The following RPA3 variants were observed in gnomAD, a reference collection of about 807,000 sequenced individuals.
RPA3 encodes replication protein A 14 kDa subunit.
In RPA3, 24 loss-of-function variants were observed where a neutral mutation model predicts 13.7. The observed-to-expected ratio is 1.75, with a 90% confidence interval of 1.27 to 2.46. The LOEUF (loss-of-function observed/expected upper bound fraction) is 2.46. RPA3 is among the 30% of genes most tolerant of loss of function. The pLI, the probability that RPA3 is intolerant of heterozygous loss-of-function variation, is 0.00. For synonymous variants in RPA3, 59 were observed against 51.2 expected, an observed-to-expected ratio of 1.15 and a Z score of -0.65; for missense variants, 183 against 151.0, an observed-to-expected ratio of 1.21 and a Z score of -1.11.
intron 2 of RPA3, among the ~76,000 whole-genome samples, chr7:7,713,947 GC>G (rs541618480): frequency 0.01 from 1,544 of 152,272 alleles, 22 homozygotes; most frequent in African/African-American, 0.032. Context: ...TGATCTTCCT[GC>G]CTTGGCCTCC....
intron 4 of RPA3, among the ~76,000 whole-genome samples, chr7:7,672,259 A>G (rs1405563316): frequency 1.3e-5 from 2 of 152,182 alleles, no homozygotes; most frequent in African/African-American, 2.4e-5. Flanking sequence ...TGTCCTTGCA[A>G]GTACCCTTCA....
At chr7:7,696,461 GC>G (rs1780320649) in intron 2 of RPA3, among the ~76,000 whole-genome samples, 1 of 152,062 alleles carries the variant, frequency 6.6e-6, no homozygotes, top group African/African-American at 2.4e-5. Flanking sequence ...ACTGGAACTG[GC>G]CACAAGACCT....
At chr7:7,680,231 T>G (rs1779875241) in intron 4 of RPA3, among the ~76,000 whole-genome samples, 1 of 152,116 alleles carries the variant, frequency 6.6e-6, no homozygotes, top group Admixed American at 6.6e-5. Context: ...TGGCGAGAGA[T>G]AGGGGTCTAG....
intron 2 of RPA3, among the ~76,000 whole-genome samples, chr7:7,709,864 T>A (rs1179748129): frequency 6.6e-6 from 1 of 152,172 alleles, no homozygotes; most frequent in Admixed American, 6.5e-5. Context: ...TTAAGAAATA[T>A]AATTTCTTGT....
At chr7:7,683,259 A>G (rs1779956965) in intron 4 of RPA3, among the ~76,000 whole-genome samples, 1 of 152,176 alleles carries the variant, frequency 6.6e-6, no homozygotes, top group Admixed American at 6.6e-5. Context: ...GGGGATACTT[A>G]GAAAAAAATA....
intron 5 of RPA3, chr7:7,640,102 G>C (rs1784929428): frequency 3.5e-6 from 2 of 571,982 alleles, no homozygotes; most frequent in East Asian, 3.0e-5. Context: ...CTGGAATTTA[G>C]AACTCAGCAT....
intron 2 of RPA3, among the ~76,000 whole-genome samples, chr7:7,697,339 C>T (rs1051393254): frequency 6.6e-6 from 1 of 152,156 alleles, no homozygotes; most frequent in Non-Finnish European, 1.5e-5. Flanking sequence ...TCTATTCTGC[C>T]AGACAAGTTG....
chr7:7,714,806 A>G (rs1780852545), intron 2 of RPA3, among the ~76,000 whole-genome samples: 2 of 151,376 alleles, frequency 1.3e-5, no homozygotes, highest in Non-Finnish European at 3.0e-5. Context: ...GCACTTGTGT[A>G]GAGTAATTTT....
At chr7:7,709,242 C>T (rs1279963390) in intron 2 of RPA3, among the ~76,000 whole-genome samples, 1 of 152,086 alleles carries the variant, frequency 6.6e-6, no homozygotes. Flanking sequence ...TAATGTTATG[C>T]ATGGGGTTAC....
Position 7,677,705 on chromosome 7 carries a change from G to A in RPA3, c.-758+8125C>T, listed in dbSNP as rs1287555439. On this transcript the variant is annotated intron_variant, in intron 4 of 7. Transcript: ENST00000223129. ...TTTTTTTTTTTTGAGACGGAGTCTC[G>A]CTCTGTCGCCCAGGCTGGAGTGCAG... Among the ~76,000 whole-genome samples the A allele has an allele frequency of 1.2e-4, 14 of 113,244 alleles. 1 individual carries two copies. Among genetic ancestry groups the A allele is most frequent in the African/African-American group, 2.9e-4 (8 of 27,796 alleles). The allele number at this position is 113,244 out of a possible 152,430, so 74.3% of individuals were successfully genotyped here.
rs114687133 is a variant in RPA3 at position 7,676,856 on chromosome 7, A to G, written c.-758+8974T>C. Among the ~76,000 whole-genome samples, 794 of 152,244 alleles carry G rather than the reference A, an allele frequency of 5.2e-3. 8 individuals are homozygous for G. The highest frequency in any genetic ancestry group is 0.018 in the African/African-American group (750 of 41,562). ...TGACAGATTATTAGGAATATAGTTA[A>G]TTGTCTTTAAAGTTATAGTTAATTA... On this transcript the variant is annotated intron_variant, in intron 4 of 7. Transcript: ENST00000223129.
At chr7:7,701,706 T>G (rs1780468074) in intron 2 of RPA3, among the ~76,000 whole-genome samples, 1 of 152,198 alleles carries the variant, frequency 6.6e-6, no homozygotes, top group African/African-American at 2.4e-5. Flanking sequence ...GGGTATTTAC[T>G]TATGTTTGCC....
intron 4 of RPA3, among the ~76,000 whole-genome samples, chr7:7,646,082 G>A (rs1274010562): frequency 2.0e-5 from 3 of 152,138 alleles, no homozygotes; most frequent in Non-Finnish European, 2.9e-5. Context: ...GTCTAGGGGC[G>A]TTACAGTGCT....
chr7:7,684,022 G>T (rs748867065), intron 4 of RPA3, among the ~76,000 whole-genome samples: 1 of 152,106 alleles, frequency 6.6e-6, no homozygotes, highest in Non-Finnish European at 1.5e-5. Context: ...GACGCTCAAC[G>T]CTCTGATATA....
intron 4 of RPA3, among the ~76,000 whole-genome samples, chr7:7,684,690 T>G (rs1779997475): frequency 6.6e-6 from 1 of 152,252 alleles, no homozygotes; most frequent in South Asian, 2.1e-4. Context: ...CCAACTGATC[T>G]ATGACTCTTT....
intron 4 of RPA3, among the ~76,000 whole-genome samples, chr7:7,657,742 G>T (rs150044097): frequency 0.017 from 2,610 of 152,288 alleles, 74 homozygotes; most frequent in African/African-American, 0.06. Flanking sequence ...AAGTCAGGTA[G>T]TGTGATGCCT....
At chr7:7,679,734 A>C (rs1043451937) in intron 4 of RPA3, among the ~76,000 whole-genome samples, 2 of 145,842 alleles carry the variant, frequency 1.4e-5, no homozygotes, top group Non-Finnish European at 3.0e-5. Context: ...ATATATATAC[A>C]CACACACATA....
chr7:7,646,061 C>A (rs558052851), intron 4 of RPA3, among the ~76,000 whole-genome samples: 2 of 152,224 alleles, frequency 1.3e-5, no homozygotes, highest in South Asian at 4.2e-4. Flanking sequence ...GGCCTCCAGC[C>A]CCATGGCAGT....
At chr7:7,679,983 G>T (rs570918596) in intron 4 of RPA3, among the ~76,000 whole-genome samples, 1 of 152,018 alleles carries the variant, frequency 6.6e-6, no homozygotes, top group South Asian at 2.1e-4. Context: ...CTCCCATTCT[G>T]TGGGTTGTCT....
Sources: allele counts gnomAD v4.1 joint callset (sites outside exome capture counted in the v4.1 genomes callset), GRCh38; gene constraint gnomAD v4.1.1; transcripts MANE v1.5; gene names NCBI Gene and HGNC (gene_info 2026-07-23, HGNC 2026-07-21).